Variants in CTNNA3 observed in about 807,000 individuals in gnomAD.
CTNNA3 encodes catenin alpha-3.
In CTNNA3, 76 loss-of-function variants were observed where a neutral mutation model predicts 95.7. The observed-to-expected ratio is 0.79, with a 90% CI of 0.66 to 0.96. CTNNA3 has a LOEUF of 0.96. CTNNA3 is among the 40% of genes least tolerant of loss of function. CTNNA3 has a pLI of 0.00. For missense variants in CTNNA3, 1,191 were observed against 1,089.8 expected, an observed-to-expected ratio of 1.09 and a Z score of -1.31; for synonymous variants, 431 against 374.4, an observed-to-expected ratio of 1.15 and a Z score of -1.74.
At chr10:66,444,833 T>C (rs1372586475) in intron 11 of CTNNA3, among the ~76,000 whole-genome samples, 1 of 152,082 alleles carries the variant, frequency 6.6e-6, no homozygotes, top group Non-Finnish European at 1.5e-5. Context: ...CACTTAACTT[T>C]AAATGTAAAT....
intron 15 of CTNNA3, among the ~76,000 whole-genome samples, chr10:66,015,247 T>A (rs115913587): frequency 0.013 from 1,910 of 152,280 alleles, 30 homozygotes; most frequent in African/African-American, 0.044. Flanking sequence ...CAGGAGAATA[T>A]TAACCATATC....
chr10:66,510,030 G>A (rs1840600362), intron 11 of CTNNA3, among the ~76,000 whole-genome samples: 1 of 151,828 alleles, frequency 6.6e-6, no homozygotes, highest in African/African-American at 2.4e-5. Flanking sequence ...CAGTCCAGGA[G>A]CATGGAATGT....
At position 67,565,989 on chromosome 10, in the gene CTNNA3, T is replaced by C. The variant is rs1310742660; in HGVS notation, c.293-26320A>G. On this transcript the variant is annotated intron_variant, in intron 3 of 17. Transcript: ENST00000433211. ...GAATGGATAAAGAAAATGCAGTATATATATATTATATATATATACACACAC... is the reference window on the plus strand; with the variant it reads ...GAATGGATAAAGAAAATGCAGTATACATATATTATATATATATACACACAC... Among the ~76,000 whole-genome samples, 11 of 116,354 alleles carry C rather than the reference T, an allele frequency of 9.5e-5. No homozygotes were observed. The South Asian group carries it at 1.2e-3, about 13-fold the overall frequency. The allele number at this position is 116,354 out of a possible 152,430, so 76.3% of individuals were successfully genotyped here. A position where few individuals can be genotyped will look rare whatever the true frequency, so the allele number is the denominator to read the frequency against.
At chr10:66,028,262 A>T (rs952964354) in intron 15 of CTNNA3, among the ~76,000 whole-genome samples, 1 of 152,230 alleles carries the variant, frequency 6.6e-6, no homozygotes, top group African/African-American at 2.4e-5. Flanking sequence ...TACCCAAAGG[A>T]TTATAAATCA....
intron 2 of CTNNA3, among the ~76,000 whole-genome samples, chr10:67,614,364 C>T (rs904138571): frequency 1.3e-5 from 2 of 152,170 alleles, no homozygotes; most frequent in Non-Finnish European, 2.9e-5. Context: ...ATTATTATTA[C>T]ATTGTAATAT....
intron 2 of CTNNA3, among the ~76,000 whole-genome samples, chr10:67,630,681 T>C (rs1158825476): frequency 1.3e-5 from 2 of 152,176 alleles, no homozygotes; most frequent in Admixed American, 1.3e-4. Flanking sequence ...CAAGAGGTCC[T>C]ACAATACTTA....
intron 9 of CTNNA3, among the ~76,000 whole-genome samples, chr10:66,639,465 C>G (rs1313952545): frequency 6.6e-6 from 1 of 152,018 alleles, no homozygotes; most frequent in African/African-American, 2.4e-5. Context: ...GTATTGGAAT[C>G]CAGACAGAAT....
At chr10:66,910,391 A>G (rs961117966) in intron 7 of CTNNA3, among the ~76,000 whole-genome samples, 1 of 152,206 alleles carries the variant, frequency 6.6e-6, no homozygotes, top group African/African-American at 2.4e-5. Flanking sequence ...CTTATACAAT[A>G]TGACTCTACC....
intron 16 of CTNNA3, among the ~76,000 whole-genome samples, chr10:65,982,849 C>T (rs2133307639): frequency 6.6e-6 from 1 of 151,126 alleles, no homozygotes; most frequent in Admixed American, 6.6e-5. Context: ...CAAGGTGTAT[C>T]TAGGAATTAT....
intron 7 of CTNNA3, among the ~76,000 whole-genome samples, chr10:66,870,322 T>C (rs1880048): frequency 0.14 from 21,239 of 152,178 alleles, 1,952 homozygotes; most frequent in African/African-American, 0.26. Flanking sequence ...TACCAACGGA[T>C]GTTTTGCTAC....
chr10:67,039,551 C>T (rs1352984300), intron 7 of CTNNA3, among the ~76,000 whole-genome samples: 1 of 152,020 alleles, frequency 6.6e-6, no homozygotes, highest in East Asian at 1.9e-4. Flanking sequence ...GTTGTTGATA[C>T]TTTTTTTGTT....
intron 13 of CTNNA3, among the ~76,000 whole-genome samples, chr10:66,223,937 C>T (rs10822756): frequency 0.21 from 32,470 of 151,960 alleles, 3,658 homozygotes; most frequent in South Asian, 0.29. Flanking sequence ...TGGCTCAAGC[C>T]TGTAATCTCA....
intron 7 of CTNNA3, among the ~76,000 whole-genome samples, chr10:66,841,308 C>T (rs1162421343): frequency 2.0e-5 from 3 of 152,022 alleles, no homozygotes; most frequent in African/African-American, 7.2e-5. Flanking sequence ...TAGAGATCAT[C>T]CTTATCTATT....
chr10:67,270,944 T>A (rs1286472108), intron 5 of CTNNA3, among the ~76,000 whole-genome samples: 1 of 152,200 alleles, frequency 6.6e-6, no homozygotes, highest in Non-Finnish European at 1.5e-5. Context: ...TGAACCTATA[T>A]CAGTTTCAGA....
intron 7 of CTNNA3, among the ~76,000 whole-genome samples, chr10:67,107,704 C>T (rs1858717105): frequency 1.3e-5 from 2 of 148,436 alleles, no homozygotes; most frequent in African/African-American, 2.5e-5. Flanking sequence ...TTATTAAAGA[C>T]CATGATCAAA....
At chr10:67,297,976 T>C (rs1840114459) in intron 5 of CTNNA3, among the ~76,000 whole-genome samples, 2 of 152,252 alleles carry the variant, frequency 1.3e-5, no homozygotes, top group African/African-American at 2.4e-5. Context: ...CATACATTTC[T>C]AGTACATTGA....
chr10:67,216,421 C>G (rs1380543859), intron 6 of CTNNA3, among the ~76,000 whole-genome samples: 2 of 152,078 alleles, frequency 1.3e-5, no homozygotes, highest in South Asian at 2.1e-4. Flanking sequence ...CCATATACCC[C>G]CAAATACATC....
chr10:67,133,378 T>TATATATATAC (rs1177119156), intron 7 of CTNNA3, among the ~76,000 whole-genome samples: 22 of 133,928 alleles, frequency 1.6e-4, no homozygotes, highest in Middle Eastern at 3.8e-3. Flanking sequence ...TATATATATA[T>TATATATATAC]ACACACACAC....
intron 12 of CTNNA3, among the ~76,000 whole-genome samples, chr10:66,324,757 T>C (rs919253307): frequency 6.6e-6 from 1 of 152,076 alleles, no homozygotes. Context: ...TTTAACCCGA[T>C]GCATGCCGGT....
Sources: gnomAD v4.1 joint callset for allele counts (sites outside exome capture counted in the v4.1 genomes callset) on GRCh38, gnomAD v4.1.1 for gene constraint, MANE v1.5 for transcripts, NCBI Gene and HGNC (gene_info 2026-07-23, HGNC 2026-07-21) for gene names.